IQCM: variants seen among roughly 807,000 people sequenced by gnomAD.
IQCM encodes IQ domain-containing protein M.
IQCM carries 45 observed loss-of-function variants against 57.6 expected under a neutral mutation model. The observed-to-expected ratio is 0.78, with a 90% CI of 0.62 to 1.00. IQCM has a LOEUF of 1.00. Among genes scored for constraint, IQCM ranks in the 50% least tolerant of loss-of-function variants. IQCM has a pLI of 0.00. For synonymous variants in IQCM, 148 were observed against 158.9 expected (o/e 0.93, Z 0.51); for missense variants, 468 against 511.6 (o/e 0.91, Z 0.82).
rs368930863 is a variant in IQCM at position 149,542,191 on chromosome 4, G to A, written c.1228+6264C>T. On this transcript the variant is annotated intron_variant, in intron 12 of 13. Transcript: ENST00000636793. Reference sequence around the variant, plus strand: ...ATATATTTAAAATTACATTGGAGTGGCCCCTTTCTGTAAAGGAAAGTTTCC... The same window carrying A: ...ATATATTTAAAATTACATTGGAGTGACCCCTTTCTGTAAAGGAAAGTTTCC... Among the ~76,000 whole-genome samples the A allele has an allele frequency of 4.6e-5, 7 of 152,012 alleles. No homozygotes were observed. The East Asian group carries it at 1.2e-3, about 25-fold the overall frequency.
intron 7 of IQCM, among the ~76,000 whole-genome samples, chr4:149,663,616 C>T (rs925378020): frequency 4.0e-5 from 6 of 149,094 alleles, no homozygotes; most frequent in African/African-American, 7.3e-5. Flanking sequence ...GTATTCTTTA[C>T]TGACAGTTGG....
At chr4:149,784,517 G>A (rs138009261) in intron 2 of IQCM, among the ~76,000 whole-genome samples, 191 of 152,288 alleles carry the variant, frequency 1.3e-3, no homozygotes, top group African/African-American at 3.4e-3. Context: ...CCGGGTTCAC[G>A]CCATTCTCCT....
At chr4:149,539,555 C>A (rs1747645304) in intron 12 of IQCM, among the ~76,000 whole-genome samples, 1 of 152,046 alleles carries the variant, frequency 6.6e-6, no homozygotes, top group African/African-American at 2.4e-5. Flanking sequence ...AATTATAACT[C>A]AATTGAGATG....
chr4:149,616,149 A>G (rs1196983694), intron 8 of IQCM, among the ~76,000 whole-genome samples: 1 of 152,170 alleles, frequency 6.6e-6, no homozygotes, highest in African/African-American at 2.4e-5. Context: ...CTGTACACCC[A>G]TGTTCGTGGC....
chr4:149,800,545 A>T (rs1316820922), intron 2 of IQCM, among the ~76,000 whole-genome samples: 1 of 151,980 alleles, frequency 6.6e-6, no homozygotes, highest in African/African-American at 2.4e-5. Context: ...GGAAAGGAAA[A>T]AGTCAAATTA....
intron 12 of IQCM, among the ~76,000 whole-genome samples, chr4:149,484,726 A>G (rs1741281527): frequency 6.6e-6 from 1 of 152,064 alleles, no homozygotes; most frequent in Non-Finnish European, 1.5e-5. Context: ...TACTTAAGAC[A>G]AGAATAGCTT....
At chr4:149,609,720 T>C (rs1053394891) in intron 8 of IQCM, among the ~76,000 whole-genome samples, 13 of 151,860 alleles carry the variant, frequency 8.6e-5, no homozygotes, top group Non-Finnish European at 1.6e-4. Context: ...AAACTCGGTA[T>C]AGGGGGAACA....
chr4:149,397,342 T>C (rs1433911786), intron 13 of IQCM, among the ~76,000 whole-genome samples: 1 of 152,014 alleles, frequency 6.6e-6, no homozygotes, highest in Non-Finnish European at 1.5e-5. Context: ...ATTGGTATAG[T>C]TTGACTCTGT....
chr4:149,466,153 C>T (rs1244824133), intron 12 of IQCM, among the ~76,000 whole-genome samples: 1 of 152,156 alleles, frequency 6.6e-6, no homozygotes, highest in East Asian at 1.9e-4. Flanking sequence ...ATAATATGCA[C>T]ACTTCTATCA....
chr4:149,649,836 A>G (rs1293827681), intron 7 of IQCM, among the ~76,000 whole-genome samples: 1 of 152,182 alleles, frequency 6.6e-6, no homozygotes, highest in East Asian at 1.9e-4. Flanking sequence ...CAGGTCTCCA[A>G]ACATCTTTTA....
chr4:149,600,566 A>G (rs183945973), intron 8 of IQCM, among the ~76,000 whole-genome samples: 3 of 152,206 alleles, frequency 2.0e-5, no homozygotes, highest in Non-Finnish European at 4.4e-5. Context: ...ATTCCTTTAG[A>G]AAAGATCCAG....
chr4:149,612,412 A>G (rs1755378025), intron 8 of IQCM, among the ~76,000 whole-genome samples: 2 of 152,150 alleles, frequency 1.3e-5, no homozygotes, highest in African/African-American at 4.8e-5. Flanking sequence ...TCTCATTTAC[A>G]TATTTCTGAG....
intron 7 of IQCM, among the ~76,000 whole-genome samples, chr4:149,665,017 T>C (rs1290813485): frequency 6.6e-6 from 1 of 152,140 alleles, no homozygotes; most frequent in Non-Finnish European, 1.5e-5. Context: ...ATCAACTGTT[T>C]TGTTGGACCT....
intron 9 of IQCM, among the ~76,000 whole-genome samples, chr4:149,572,405 A>G (rs1305256680): frequency 2.0e-5 from 3 of 151,684 alleles, no homozygotes; most frequent in Non-Finnish European, 1.5e-5. Flanking sequence ...TCCTGCCTCA[A>G]TCTCCCAAGT....
intron 12 of IQCM, among the ~76,000 whole-genome samples, chr4:149,487,820 A>G (rs1046128461): frequency 2.0e-5 from 3 of 152,062 alleles, no homozygotes; most frequent in Non-Finnish European, 4.4e-5. Context: ...GATGGGGGTG[A>G]GTGATACTGG....
At chr4:149,681,392 C>T (rs1322968551) in intron 7 of IQCM, among the ~76,000 whole-genome samples, 2 of 151,114 alleles carry the variant, frequency 1.3e-5, no homozygotes, top group African/African-American at 2.4e-5. Flanking sequence ...AGCATATTCA[C>T]AAATTTTAGT....
At chr4:149,544,372 G>A (rs1046618914) in intron 12 of IQCM, among the ~76,000 whole-genome samples, 4 of 152,080 alleles carry the variant, frequency 2.6e-5, no homozygotes, top group African/African-American at 7.2e-5. Flanking sequence ...TTAAAGATCT[G>A]TACCCTGAAA....
chr4:149,432,813 C>G (rs1251583874), intron 13 of IQCM, among the ~76,000 whole-genome samples: 5 of 151,802 alleles, frequency 3.3e-5, no homozygotes, highest in African/African-American at 4.8e-5. Flanking sequence ...TGAAAATAAT[C>G]AAAAGTTTTG....
intron 12 of IQCM, among the ~76,000 whole-genome samples, chr4:149,545,057 T>C (rs946582988): frequency 2.6e-5 from 4 of 151,664 alleles, no homozygotes; most frequent in Middle Eastern, 3.2e-3. Context: ...CAAAAAACAG[T>C]TGGGCACAGT....
Sources: gnomAD v4.1 joint callset for allele counts (sites outside exome capture counted in the v4.1 genomes callset) on GRCh38, gnomAD v4.1.1 for gene constraint, MANE v1.5 for transcripts, NCBI Gene and HGNC (gene_info 2026-07-23, HGNC 2026-07-21) for gene names.